The following SPIDR variants were observed in gnomAD, a reference collection of about 807,000 sequenced individuals.
SPIDR encodes the protein DNA repair-scaffolding protein.
Under a neutral mutation model 104.6 loss-of-function variants are expected in SPIDR, and 93 were observed. The observed-to-expected ratio is 0.89, with a 90% confidence interval of 0.75 to 1.06. The LOEUF (loss-of-function observed/expected upper bound fraction) is 1.06, where lower values mean the gene tolerates loss of function less well. Ranked by LOEUF, SPIDR falls within the 50% of genes least tolerant of loss-of-function variation. The probability of loss-of-function intolerance (pLI) is 0.00; values close to 1 mark genes in which losing one functional copy is unlikely to be tolerated. For missense variants in SPIDR, 1,154 were observed against 1,111.2 expected (o/e 1.04, Z -0.55); for synonymous variants, 431 against 416.9 (o/e 1.03, Z -0.41).
In SPIDR at chr8:47,378,120, C is replaced by CT. The variant is rs2058884809; in HGVS notation, c.526-18253dup. ...CCAAGAGTGGGGTTTCCAGCACTAC[C>CT]TTTGACATTTCTAGTTTTTCTTAGG... On this transcript the variant is annotated intron_variant, in intron 5 of 19. Transcript: ENST00000297423. Among the ~76,000 whole-genome samples the CT allele has an allele frequency of 2.6e-5, 4 of 152,276 alleles. No individual in the cohort carries two copies. In the East Asian group the frequency reaches 7.7e-4, roughly 29 times the overall value.
chr8:47,712,021 G>A (rs539189980), intron 14 of SPIDR, among the ~76,000 whole-genome samples: 29 of 152,250 alleles, frequency 1.9e-4, no homozygotes, highest in Admixed American at 2.6e-4. Flanking sequence ...CTCAGGCCCT[G>A]GCCCTGCTGA....
Position 47,396,388 on chromosome 8 carries a change from G to A in SPIDR, c.538G>A (p.Glu180Lys), listed in dbSNP as rs1244041706. 1 of 1,603,940 alleles carries A rather than the reference G, an allele frequency of 6.2e-7. No homozygotes were observed. Among genetic ancestry groups the A allele is most frequent in the African/African-American group, 1.3e-5 (1 of 74,544 alleles). The change falls in exon 6 of 20, where the codon GAA (glutamate) becomes AAA (lysine). Residue 180 changes from glutamate to lysine, a missense_variant. Physicochemically the swap from Glu to Lys is moderately conservative, Grantham distance 56. Transcript: ENST00000297423. ...LSELPKPSSI[E>K]ILEYSSDSEK... ...AATTTTTTTTCAGCCAAGTTCTATAGAAATTTTAGAGTATTCATCAGATAG... is the reference window on the plus strand; with the variant it reads ...AATTTTTTTTCAGCCAAGTTCTATAAAAATTTTAGAGTATTCATCAGATAG...
intron 5 of SPIDR, among the ~76,000 whole-genome samples, chr8:47,329,834 T>C (rs560436864): frequency 6.6e-6 from 1 of 152,326 alleles, no homozygotes; most frequent in Non-Finnish European, 1.5e-5. Context: ...CATCTGGTGG[T>C]GTTTCCTTAG....
intron 5 of SPIDR, among the ~76,000 whole-genome samples, chr8:47,321,585 AAAAAACTACTTT>A (rs1440874795): frequency 2.6e-5 from 4 of 152,190 alleles, no homozygotes; most frequent in Admixed American, 1.3e-4. Flanking sequence ...ACAGAATTGG[AAAAAACTACTTT>A]AAAGTTCATA....
intron 4 of SPIDR, among the ~76,000 whole-genome samples, chr8:47,293,047 T>G (rs2040212342): frequency 1.3e-5 from 2 of 152,016 alleles, no homozygotes; most frequent in Non-Finnish European, 2.9e-5. Flanking sequence ...GTGACTAAAT[T>G]TGATGTTAAT....
intron 7 of SPIDR, among the ~76,000 whole-genome samples, chr8:47,439,013 G>GCAGT (rs2068878587): frequency 2.0e-5 from 3 of 152,118 alleles, no homozygotes; most frequent in Admixed American, 2.0e-4. Flanking sequence ...TATTAACAAG[G>GCAGT]CAGTATGTTG....
chr8:47,348,822 C>T (rs1298346555), intron 5 of SPIDR, among the ~76,000 whole-genome samples: 8 of 152,192 alleles, frequency 5.3e-5, no homozygotes, highest in Admixed American at 2.0e-4. Context: ...GTCTTCTCTG[C>T]GCTATTTATC....
chr8:47,302,574 T>A (rs1173370618), intron 5 of SPIDR, among the ~76,000 whole-genome samples: 1 of 152,140 alleles, frequency 6.6e-6, no homozygotes, highest in Non-Finnish European at 1.5e-5. Flanking sequence ...ATCTTTGTAG[T>A]TTTATGTACC....
intron 8 of SPIDR, among the ~76,000 whole-genome samples, chr8:47,531,226 A>G (rs1296500317): frequency 6.6e-6 from 1 of 152,194 alleles, no homozygotes; most frequent in Non-Finnish European, 1.5e-5. Context: ...TTTGCTAAAA[A>G]TGGAGATACA....
intron 11 of SPIDR, among the ~76,000 whole-genome samples, chr8:47,681,012 G>A (rs1589135275): frequency 1.3e-5 from 2 of 152,174 alleles, no homozygotes; most frequent in African/African-American, 4.8e-5. Context: ...GCAGTGAGCC[G>A]AGATCACGCC....
At chr8:47,393,028 T>C (rs782044264) in intron 5 of SPIDR, among the ~76,000 whole-genome samples, 6 of 152,090 alleles carry the variant, frequency 3.9e-5, no homozygotes, top group Admixed American at 6.5e-5. Context: ...TAATTTTCCA[T>C]AGATAGTCTT....
rs1210292849 is a variant in SPIDR, at chr8:47,400,635, G to A, written c.776+4009G>A. ...CCTTCTCTTTCTGGTTTGCCCTGCAGGAAATGTCACTCAGTCTCTTTGGAC... is the reference window on the plus strand; with the variant it reads ...CCTTCTCTTTCTGGTTTGCCCTGCAAGAAATGTCACTCAGTCTCTTTGGAC... On this transcript the variant is annotated intron_variant, in intron 6 of 19. Transcript: ENST00000297423. Among the ~76,000 whole-genome samples, 5 of 151,582 alleles carry A rather than the reference G, an allele frequency of 3.3e-5. No individual in the cohort carries two copies. In the East Asian group the frequency reaches 9.7e-4, roughly 29 times the overall value.
chr8:47,604,042 G>A (rs527237398), intron 10 of SPIDR, among the ~76,000 whole-genome samples: 23 of 152,138 alleles, frequency 1.5e-4, no homozygotes, highest in Non-Finnish European at 2.2e-4. Flanking sequence ...CATTGTCTCT[G>A]TGCTCCTGGA....
At chr8:47,645,496 C>G (rs1032145040) in intron 10 of SPIDR, among the ~76,000 whole-genome samples, 1 of 151,968 alleles carries the variant, frequency 6.6e-6, no homozygotes, top group Admixed American at 6.6e-5. Context: ...ATGCGCTTAC[C>G]GTGGAGGAGA....
chr8:47,384,580 AT>A (rs2059672310), intron 5 of SPIDR, among the ~76,000 whole-genome samples: 1 of 152,098 alleles, frequency 6.6e-6, no homozygotes, highest in Admixed American at 6.5e-5. Flanking sequence ...TAGGTTTCAG[AT>A]TTCTTTATCT....
At chr8:47,669,255 C>G (rs2075450286) in intron 10 of SPIDR, among the ~76,000 whole-genome samples, 1 of 152,172 alleles carries the variant, frequency 6.6e-6, no homozygotes, top group Non-Finnish European at 1.5e-5. Context: ...GTCACACTAG[C>G]ACTGATTTTA....
intron 10 of SPIDR, among the ~76,000 whole-genome samples, chr8:47,622,032 T>C (rs1025273028): frequency 1.3e-5 from 2 of 152,206 alleles, no homozygotes. Context: ...AATTATCTTA[T>C]GGGCAAACTG....
rs1554717453 is a variant in SPIDR at position 47,466,892 on chromosome 8, A to AAG, written c.1097+26351_1097+26352insGA. On this transcript the variant is annotated intron_variant, in intron 8 of 19. Coordinates refer to ENST00000297423, the MANE Select transcript of SPIDR (RefSeq NM_001080394.4). ...TCTAGGAGTTAGTTTTTTTTGAAAAAAAAAAAAAATATATATATATATAGA... is the reference window on the plus strand; with the variant it reads ...TCTAGGAGTTAGTTTTTTTTGAAAAAAGAAAAAAAAATATATATATATATAGA... 9.6e-5 allele frequency among the ~76,000 whole-genome samples: 9 copies of AAG among 93,316 alleles called. No homozygotes were observed. In the East Asian group the frequency reaches 2.4e-3, roughly 24 times the overall value. The allele number at this position is 93,316 out of a possible 152,430, so 61.2% of individuals were successfully genotyped here.
At chr8:47,326,940 A>G (rs1458236340) in intron 5 of SPIDR, among the ~76,000 whole-genome samples, 1 of 152,120 alleles carries the variant, frequency 6.6e-6, no homozygotes, top group East Asian at 1.9e-4. Flanking sequence ...ACCTGTTTTC[A>G]GTTCTCTTGG....
Sources: gnomAD v4.1 joint callset for allele counts (sites outside exome capture counted in the v4.1 genomes callset) on GRCh38, gnomAD v4.1.1 for gene constraint, MANE v1.5 for transcripts, NCBI Gene and HGNC (gene_info 2026-07-23, HGNC 2026-07-21) for gene names.